Variants in RAI1 observed in about 807,000 individuals in gnomAD.
RAI1 encodes the protein retinoic acid-induced protein 1.
A neutral mutation model predicts 123.8 loss-of-function variants in RAI1; 9 were observed. The observed-to-expected ratio is 0.07, with a 90% CI of 0.04 to 0.13. RAI1 has a LOEUF of 0.13. RAI1 is among the 10% of genes least tolerant of loss of function. RAI1 has a pLI of 1.00. For synonymous variants in RAI1, 1,231 were observed against 1,127.3 expected, an observed-to-expected ratio of 1.09 and a Z score of -1.84; for missense variants, 2,256 against 2,545.8, an observed-to-expected ratio of 0.89 and a Z score of 2.45.
chr17:17,793,697 C>A lies in RAI1; in HGVS notation c.749C>A (p.Pro250Gln), dbSNP rs773061985. 6.2e-7 allele frequency: 1 copy of A among 1,612,982 alleles called. No homozygotes were observed. Among genetic ancestry groups the A allele is most frequent in the Admixed American group, 1.7e-5 (1 of 60,008 alleles). Residue 250 changes from proline to glutamine, a missense_variant, in exon 3 of 6, where the codon CCG (proline) becomes CAG (glutamine). Transcript: ENST00000353383. ...CCGACTGCCCAGCCCCATGACAGGC[C>A]GCTGACTGCCAGCTCCAGCCTGGCC... ...TAPTAQPHDR[P>Q]LTASSSLAPG...
In RAI1 at chr17:17,750,397, C is replaced by G. The variant is rs972259451; in HGVS notation, c.-17+26238C>G. 3.7e-4 allele frequency among the ~76,000 whole-genome samples: 56 copies of G among 152,108 alleles called. 1 individual carries two copies. The highest frequency in any genetic ancestry group is 1.3e-3 in the African/African-American group (53 of 41,418). ...GTTTACTGATGAGCAGGCAGGGGCT[C>G]AAATGACATGTTAAGGGGAAAATAC... On this transcript the variant is annotated intron_variant, in intron 2 of 5. Coordinates refer to ENST00000353383, the MANE Select transcript of RAI1 (RefSeq NM_030665.4).
chr17:17,794,496 C>T lies in RAI1; in HGVS notation c.1548C>T (p.Asp516=). The T allele has an allele frequency of 1.2e-6, 2 of 1,612,118 alleles. No individual in the cohort carries two copies. The highest frequency in any genetic ancestry group is 1.7e-6 in the Non-Finnish European group (2 of 1,179,498). The change falls in exon 3 of 6, where the codon GAC becomes GAT. Residue 516 remains aspartate, a synonymous_variant. Coordinates refer to ENST00000353383, the MANE Select transcript of RAI1 (RefSeq NM_030665.4). ...CGCATGCGGAGCCGCAGGAGGCCGACTACCTGAGCGGCTCCGAGGACCCAC... is the reference window on the plus strand; with the variant it reads ...CGCATGCGGAGCCGCAGGAGGCCGATTACCTGAGCGGCTCCGAGGACCCAC... The part of the protein sequence containing the change: ...QSTHAEPQEA[D]YLSGSEDPLE...
intron 1 of RAI1, among the ~76,000 whole-genome samples, chr17:17,720,155 C>T (rs187216060): frequency 8.5e-5 from 13 of 152,326 alleles, no homozygotes; most frequent in East Asian, 3.9e-4. Flanking sequence ...TCTACCCACC[C>T]TGCCTCTCTG....
At chr17:17,780,083 A>G (rs1317133166) in intron 2 of RAI1, among the ~76,000 whole-genome samples, 3 of 4,036 alleles carry the variant, frequency 7.4e-4, no homozygotes, top group African/African-American at 1.7e-3. Context: ...GCTTTTTTTT[A>G]AGACAAGAGT....
chr17:17,725,130 G>C (rs930534536), intron 2 of RAI1, among the ~76,000 whole-genome samples: 3 of 152,036 alleles, frequency 2.0e-5, no homozygotes, highest in Admixed American at 6.5e-5. Flanking sequence ...GGGCAGGGAG[G>C]GGGCTGGGGG....
chr17:17,806,540 G>A (rs1320443661), intron 4 of RAI1, among the ~76,000 whole-genome samples: 1 of 152,224 alleles, frequency 6.6e-6, no homozygotes, highest in Non-Finnish European at 1.5e-5. Flanking sequence ...ATTAGCTGCT[G>A]CTGCAGAGCT....
In RAI1 at chr17:17,793,106, C is replaced by T. The variant is rs200021318; in HGVS notation, c.158C>T (p.Pro53Leu). The T allele has an allele frequency of 3.7e-5, 60 of 1,614,098 alleles. No individual in the cohort carries two copies. Among genetic ancestry groups the T allele is most frequent in the South Asian group, 5.5e-5 (5 of 91,084 alleles). The change falls in exon 3 of 6, where the codon CCG becomes CTG. Residue 53 changes from proline (P) to leucine (L), a missense_variant. Coordinates refer to ENST00000353383, the MANE Select transcript of RAI1 (RefSeq NM_030665.4). ...QRLLAKDYYNPQPYPSYEGGA... is the reference protein window; with the variant it reads ...QRLLAKDYYNLQPYPSYEGGA... Reference sequence around the variant, plus strand: ...CTGCTCGCCAAGGACTATTATAACCCGCAGCCTTACCCGAGCTATGAGGGT... The same window carrying T: ...CTGCTCGCCAAGGACTATTATAACCTGCAGCCTTACCCGAGCTATGAGGGT...
intron 2 of RAI1, among the ~76,000 whole-genome samples, chr17:17,737,345 C>G (rs532412776): frequency 2.0e-5 from 3 of 152,234 alleles, no homozygotes; most frequent in Middle Eastern, 3.4e-3. Context: ...GAGGGAGGGT[C>G]TTGCCCAGAC....
chr17:17,720,017 G>A (rs576530398), intron 1 of RAI1, among the ~76,000 whole-genome samples: 1 of 152,264 alleles, frequency 6.6e-6, no homozygotes, highest in South Asian at 2.1e-4. Flanking sequence ...TAGTGTACCA[G>A]CCTGGCCTGA....
chr17:17,753,378 G>A (rs371815035), intron 2 of RAI1, among the ~76,000 whole-genome samples: 150 of 152,286 alleles, frequency 9.8e-4, no homozygotes, highest in African/African-American at 3.3e-3. Flanking sequence ...GTAGAGCAGC[G>A]AGAAAATCTC....
rs2032377432 is a variant in RAI1, at chr17:17,799,263, G to C, written c.5565+750G>C. Among the ~76,000 whole-genome samples the C allele has an allele frequency of 1.3e-5, 2 of 152,204 alleles. 1 individual carries two copies. Among genetic ancestry groups the C allele is most frequent in the South Asian group, 4.1e-4 (2 of 4,832 alleles). The stretch of plus-strand genomic sequence containing the variant: ...TGGGTATGAGGGTGCCCATGGAGGA[G>C]GGGTCGGGAGGGTTAAAAGGTGGGC... On this transcript the variant is annotated intron_variant, in intron 3 of 5. Coordinates refer to ENST00000353383, the MANE Select transcript of RAI1 (RefSeq NM_030665.4). This position sits in a 1 kb window ranked among gnomAD's most constrained non-coding sequence, Gnocchi z 4.5.
intron 1 of RAI1, among the ~76,000 whole-genome samples, chr17:17,696,909 C>T (rs1053144697): frequency 2.0e-5 from 3 of 152,236 alleles, no homozygotes; most frequent in African/African-American, 7.2e-5. Context: ...GATCCTGTGA[C>T]CCACCTTCTG....
Position 17,794,593 on chromosome 17 carries a change from A to G in RAI1, c.1645A>G (p.Lys549Glu). 1 of 1,613,230 alleles carries G rather than the reference A, an allele frequency of 6.2e-7. No homozygotes were observed. Among genetic ancestry groups the G allele is most frequent in the Non-Finnish European group, 8.5e-7 (1 of 1,180,042 alleles). ...PARVNSNSKA[K>E]PESVSTCSVT... ...CAGGGTCAACAGCAACTCGAAGGCC[A>G]AGCCCGAGTCCGTGTCCACCTGTTC... is the stretch of plus-strand genomic sequence containing the variant. The change falls in exon 3 of 6, where the codon AAG (lysine) becomes GAG (glutamate). Residue 549 changes from lysine (K) to glutamate (E), a missense_variant. Transcript: ENST00000353383.
chr17:17,720,940 G>C (rs1347845339), intron 1 of RAI1, among the ~76,000 whole-genome samples: 1 of 152,166 alleles, frequency 6.6e-6, no homozygotes, highest in Non-Finnish European at 1.5e-5. Context: ...GAACAAGAGA[G>C]GCCCCTGGAA....
At chr17:17,704,966 C>T (rs1357708748) in intron 1 of RAI1, among the ~76,000 whole-genome samples, 4 of 152,112 alleles carry the variant, frequency 2.6e-5, no homozygotes, top group Admixed American at 1.3e-4. Context: ...CCATGAGGAT[C>T]CACAGAACTC....
chr17:17,755,301 C>A (rs2030391574), intron 2 of RAI1, among the ~76,000 whole-genome samples: 1 of 152,250 alleles, frequency 6.6e-6, no homozygotes, highest in Non-Finnish European at 1.5e-5. Context: ...TGGGCTCTAG[C>A]TTCTGGCAGC....
At position 17,794,475 on chromosome 17, in the gene RAI1, T is replaced by C. The variant is rs753082305; in HGVS notation, c.1527T>C (p.His509=). ...CGAGCAGCACGCCACAGTCCACGCA[T>C]GCGGAGCCGCAGGAGGCCGACTACC... The part of the protein sequence containing the change: ...EPPSSTPQST[H]AEPQEADYLS... The change falls in exon 3 of 6, where the codon CAT becomes CAC. Residue 509 remains histidine, a synonymous_variant. Transcript: ENST00000353383. The C allele has an allele frequency of 3.1e-6, 5 of 1,612,112 alleles. No homozygotes were observed. The South Asian group carries it at 5.5e-5, about 18-fold the overall frequency.
intron 1 of RAI1, among the ~76,000 whole-genome samples, chr17:17,700,552 G>C (rs1423160948): frequency 6.6e-6 from 1 of 152,164 alleles, no homozygotes; most frequent in Admixed American, 6.5e-5. Context: ...CCGGGCCTGA[G>C]GCGCGGCCGG....
At chr17:17,742,824 C>T (rs2142972083) in intron 2 of RAI1, among the ~76,000 whole-genome samples, 1 of 152,340 alleles carries the variant, frequency 6.6e-6, no homozygotes, top group Non-Finnish European at 1.5e-5. Flanking sequence ...GCCCCTCGGC[C>T]ATCCCTGTCC....
Sources: gnomAD v4.1 joint callset for allele counts (sites outside exome capture counted in the v4.1 genomes callset) on GRCh38, gnomAD v4.1.1 for gene constraint, Gnocchi (gnomAD v3.1) non-coding constraint, MANE v1.5 for transcripts, NCBI Gene and HGNC (gene_info 2026-07-23, HGNC 2026-07-21) for gene names.